Variants in OGG1 observed in about 807,000 individuals in gnomAD.
OGG1 encodes N-glycosylase/DNA lyase.
Under a neutral mutation model 42.3 loss-of-function variants are expected in OGG1, and 35 were observed. The ratio of observed to expected loss-of-function variants is 0.83; its 90% CI spans 0.63 to 1.10. OGG1 has a LOEUF of 1.10. OGG1 is among the 50% of genes least tolerant of loss of function. OGG1 has a pLI of 0.00. For synonymous variants in OGG1, 189 were observed against 179.0 expected, an observed-to-expected ratio of 1.06 and a Z score of -0.44; for missense variants, 484 against 446.7, an observed-to-expected ratio of 1.08 and a Z score of -0.75.
chr3:9,787,348 A>C, intron 3 of OGG1: 2 of 1,603,804 alleles, frequency 1.2e-6, no homozygotes, highest in Non-Finnish European at 1.7e-6. Context: ...GATCTGTGGA[A>C]AAGATGGCAC....
chr3:9,757,379 C>A lies in OGG1; in HGVS notation c.*229C>A. The A allele has an allele frequency of 6.2e-7, 1 of 1,613,158 alleles. No individual in the cohort carries two copies. Among genetic ancestry groups the A allele is most frequent in the Non-Finnish European group, 8.5e-7 (1 of 1,179,512 alleles). On this transcript the variant is annotated 3_prime_UTR_variant, in exon 7 of 7. Coordinates refer to ENST00000344629, the MANE Select transcript of OGG1 (RefSeq NM_002542.6). This position sits in a 1 kb window ranked among gnomAD's most constrained non-coding sequence, Gnocchi z 4.5. ...ATCTTCCCTTTATTACAAGAAGGAA[C>A]AATAAAATAGAAACATTTGTATGGA... is the stretch of plus-strand genomic sequence containing the variant.
At chr3:9,772,988 G>T (rs2078320106) in intron 2 of OGG1, among the ~76,000 whole-genome samples, 1 of 151,860 alleles carries the variant, frequency 6.6e-6, no homozygotes, top group Non-Finnish European at 1.5e-5. Flanking sequence ...CCAGGCGTGG[G>T]GAGGCCAAGG....
chr3:9,756,826 C>T lies in OGG1; in HGVS notation c.948+10C>T. ...TGGCTGGGCCCAAGCGGTGAGTGTA[C>T]CTAGGTGTCCTCCCTAGGTTTCCTC... On this transcript the variant is annotated intron_variant, in intron 6 of 6. Coordinates refer to ENST00000344629, the MANE Select transcript of OGG1 (RefSeq NM_002542.6). The T allele has an allele frequency of 6.2e-7, 1 of 1,613,716 alleles. No individual in the cohort carries two copies. Among genetic ancestry groups the T allele is most frequent in the African/African-American group, 1.3e-5 (1 of 74,980 alleles).
At position 9,751,152 on chromosome 3, in the gene OGG1, C is replaced by G. The variant is rs1293173262; in HGVS notation, c.345C>G (p.Ser115=). ...CTCAACTGTATCACCACTGGGGTTC[C>G]GTGGACTCCCACTTCCAAGAGGTGG... ...TLAQLYHHWG[S]VDSHFQEVAQ... Residue 115 remains serine (S), a synonymous_variant, in exon 2 of 7, where the codon TCC becomes TCG. Coordinates refer to ENST00000344629, the MANE Select transcript of OGG1 (RefSeq NM_002542.6). The G allele has an allele frequency of 6.2e-7, 1 of 1,614,116 alleles. No homozygotes were observed. Among genetic ancestry groups the G allele is most frequent in the African/African-American group, 1.3e-5 (1 of 75,040 alleles).
intron 3 of OGG1, chr3:9,784,113 C>T (rs2078547163): frequency 6.2e-7 from 1 of 1,614,080 alleles, no homozygotes; most frequent in African/African-American, 1.3e-5. Context: ...GCAAGGACCT[C>T]ATCCTCGGAG....
chr3:9,771,053 G>A (rs972319565), downstream of OGG1, among the ~76,000 whole-genome samples: 16 of 149,574 alleles, frequency 1.1e-4, no homozygotes, highest in Middle Eastern at 3.2e-3. Context: ...TTTAAGACAG[G>A]GTCTTGCTCT....
chr3:9,789,638 G>GT (rs1295564561), downstream of OGG1: 3 of 1,612,958 alleles, frequency 1.9e-6, no homozygotes, highest in African/African-American at 4.0e-5. Context: ...CAGATCCTGA[G>GT]TGGGCGCCCC....
Position 9,757,225 on chromosome 3 carries a change from C to T in OGG1, c.*75C>T, listed in dbSNP as rs755039568. On this transcript the variant is annotated 3_prime_UTR_variant, in exon 7 of 7. Transcript: ENST00000344629. This position sits in a 1 kb window ranked among gnomAD's most constrained non-coding sequence, Gnocchi z 4.5. Reference sequence around the variant, plus strand: ...CCCACTTCTCTCTCCCCATCCCCACCCAGTCTCATGTTGGGGAGGGGCCTC... The same window carrying T: ...CCCACTTCTCTCTCCCCATCCCCACTCAGTCTCATGTTGGGGAGGGGCCTC... The T allele has an allele frequency of 1.2e-5, 20 of 1,613,754 alleles. No homozygotes were observed. The African/African-American group carries it at 2.1e-4, about 17-fold the overall frequency.
chr3:9,776,388 C>CTTTTTT (rs57504240), intron 2 of OGG1, among the ~76,000 whole-genome samples: 239 of 121,084 alleles, frequency 2.0e-3, no homozygotes, highest in Non-Finnish European at 3.3e-3. Context: ...TTTTTCTTTT[C>CTTTTTT]TTTTTTTTTT....
chr3:9,758,779 A>G (rs1445453623), downstream of OGG1: 2 of 232,404 alleles, frequency 8.6e-6, no homozygotes, highest in African/African-American at 2.3e-5. Context: ...ACAGGCACGC[A>G]CCACCATGTG....
At position 9,750,365 on chromosome 3, in the gene OGG1, C is replaced by T. The variant is rs11548133; in HGVS notation, c.79C>T (p.Pro27Ser). The change falls in exon 1 of 7, where the codon CCG becomes TCG. Residue 27 changes from proline to serine, a missense_variant. By Grantham distance (74) the Pro-to-Ser change is moderately conservative (BLOSUM62 -1). Coordinates refer to ENST00000344629, the MANE Select transcript of OGG1 (RefSeq NM_002542.6). Reference sequence around the variant, plus strand: ...CACTCCTGCCCTGTGGGCCTCCATCCCGTGCCCTCGCTCTGAGCTGCGCCT... The same window carrying T: ...CACTCCTGCCCTGTGGGCCTCCATCTCGTGCCCTCGCTCTGAGCTGCGCCT... ...ASTPALWASI[P>S]CPRSELRLDL... is the part of the protein sequence containing the mutation. The T allele has an allele frequency of 6.2e-7, 1 of 1,613,978 alleles. No homozygotes were observed. The highest frequency in any genetic ancestry group is 1.7e-5 in the Admixed American group (1 of 60,008).
At chr3:9,773,203 T>C (rs887591536) in intron 2 of OGG1, among the ~76,000 whole-genome samples, 4 of 142,982 alleles carry the variant, frequency 2.8e-5, no homozygotes, top group Non-Finnish European at 6.0e-5. Flanking sequence ...TACTCCAGCC[T>C]GGGTGACACG....
At chr3:9,785,411 G>A (rs745417565) in intron 3 of OGG1, 5 of 1,613,024 alleles carry the variant, frequency 3.1e-6, no homozygotes, top group South Asian at 1.1e-5. Context: ...CCTCCATAGG[G>A]GAAATAATAT....
At chr3:9,763,421 AAC>A (rs1491396472) in intron 7 of OGG1, among the ~76,000 whole-genome samples, 7 of 150,738 alleles carry the variant, frequency 4.6e-5, no homozygotes, top group African/African-American at 1.7e-4. Flanking sequence ...AAAAAAAAAA[AAC>A]AGCGGTTTAG....
chr3:9,776,253 T>C (rs915640794), intron 2 of OGG1, among the ~76,000 whole-genome samples: 8 of 152,166 alleles, frequency 5.3e-5, no homozygotes, highest in African/African-American at 1.7e-4. Flanking sequence ...TTGTCTGGAA[T>C]GTTATCTTCT....
downstream of OGG1, chr3:9,757,690 G>A (rs1481842442): frequency 1.2e-6 from 2 of 1,614,024 alleles, no homozygotes; most frequent in Admixed American, 1.7e-5. The surrounding 1 kb of genome is among the most constrained non-coding windows in gnomAD (Gnocchi z 4.5). Context: ...GTGCACCTTT[G>A]TGGACCACCC....
At chr3:9,768,669 A>T (rs1451488310), downstream of OGG1, among the ~76,000 whole-genome samples, 1 of 152,206 alleles carries the variant, frequency 6.6e-6, no homozygotes, top group Non-Finnish European at 1.5e-5. Flanking sequence ...AATGGGCCCC[A>T]TTCAGAGAAC....
intron 2 of OGG1, among the ~76,000 whole-genome samples, chr3:9,774,056 G>T (rs1316129780): frequency 1.3e-5 from 2 of 152,092 alleles, no homozygotes; most frequent in South Asian, 2.1e-4. Context: ...AGAGTGAGTA[G>T]TTAACTAAGA....
At chr3:9,773,245 A>T (rs2078323610) in intron 2 of OGG1, among the ~76,000 whole-genome samples, 1 of 151,170 alleles carries the variant, frequency 6.6e-6, no homozygotes, top group Non-Finnish European at 1.5e-5. Flanking sequence ...AAAAAAAAAA[A>T]GTGGCTGGGT....
Sources: allele counts gnomAD v4.1 joint callset (sites outside exome capture counted in the v4.1 genomes callset), GRCh38; gene constraint gnomAD v4.1.1; non-coding constraint Gnocchi (gnomAD v3.1); transcripts MANE v1.5; gene names NCBI Gene and HGNC (gene_info 2026-07-23, HGNC 2026-07-21).